The following CAMKMT variants were observed in gnomAD, a reference collection of about 807,000 sequenced individuals.
CAMKMT encodes calmodulin-lysine N-methyltransferase.
Under a neutral mutation model 48.0 loss-of-function variants are expected in CAMKMT, and 53 were observed. That is an observed-to-expected ratio of 1.10 (90% CI 0.89 to 1.39). The LOEUF (loss-of-function observed/expected upper bound fraction) is 1.39, where lower values mean the gene tolerates loss of function less well. CAMKMT is among the 40% of genes most tolerant of loss of function. The pLI, the probability that CAMKMT is intolerant of heterozygous loss-of-function variation, is 0.00. For missense variants in CAMKMT, 428 were observed against 402.7 expected (o/e 1.06, Z -0.54); for synonymous variants, 165 against 152.3 (o/e 1.08, Z -0.61).
At position 44,477,073 on chromosome 2, in the gene CAMKMT, A is replaced by T. The variant is rs114373047; in HGVS notation, c.376+86768A>T. Among the ~76,000 whole-genome samples, 1,227 of 152,330 alleles carry T rather than the reference A, an allele frequency of 8.1e-3. 14 individuals carry two copies. The highest frequency in any genetic ancestry group is 0.028 in the African/African-American group (1,171 of 41,568). On this transcript the variant is annotated intron_variant, in intron 3 of 10. Transcript: ENST00000378494. ...TAGGAAAATTTTAAAAATTATTTAA[A>T]CAAAATTTGAAAAACATTGTAGGCA...
intron 3 of CAMKMT, among the ~76,000 whole-genome samples, chr2:44,623,707 A>G (rs756826479): frequency 3.9e-5 from 6 of 152,040 alleles, no homozygotes; most frequent in Non-Finnish European, 7.4e-5. Flanking sequence ...AATGAGTTTT[A>G]ATGAATGTAT....
chr2:44,696,672 C>A (rs1474220006), intron 3 of CAMKMT, among the ~76,000 whole-genome samples: 1 of 151,934 alleles, frequency 6.6e-6, no homozygotes, highest in Non-Finnish European at 1.5e-5. Flanking sequence ...GCCCCACACC[C>A]TCACCCCACT....
At chr2:44,594,737 A>G (rs1258363386) in intron 3 of CAMKMT, among the ~76,000 whole-genome samples, 2 of 152,238 alleles carry the variant, frequency 1.3e-5, no homozygotes, top group Non-Finnish European at 2.9e-5. Context: ...AATGCCATTC[A>G]GGACATAGGC....
intron 3 of CAMKMT, among the ~76,000 whole-genome samples, chr2:44,460,009 C>G (rs924159277): frequency 1.3e-5 from 2 of 152,154 alleles, no homozygotes; most frequent in Non-Finnish European, 2.9e-5. Flanking sequence ...GAAGCTGAGT[C>G]AAACTGATAG....
At chr2:44,509,205 G>A (rs1343402279) in intron 3 of CAMKMT, among the ~76,000 whole-genome samples, 1 of 152,130 alleles carries the variant, frequency 6.6e-6, no homozygotes, top group Non-Finnish European at 1.5e-5. Flanking sequence ...TTTCAGCTCA[G>A]CCAGGATTTG....
chr2:44,454,948 C>G (rs753836013), intron 3 of CAMKMT, among the ~76,000 whole-genome samples: 1 of 152,100 alleles, frequency 6.6e-6, no homozygotes, highest in Non-Finnish European at 1.5e-5. Flanking sequence ...TCTTTGAACT[C>G]TTGATTTTGT....
intron 3 of CAMKMT, among the ~76,000 whole-genome samples, chr2:44,665,892 A>T (rs1403263330): frequency 2.6e-5 from 4 of 152,198 alleles, no homozygotes. Context: ...GAAGACACCC[A>T]TAATACCTGC....
intron 3 of CAMKMT, among the ~76,000 whole-genome samples, chr2:44,448,675 C>G (rs560676782): frequency 6.6e-6 from 1 of 152,188 alleles, no homozygotes; most frequent in Admixed American, 6.6e-5. Context: ...TAATTCACCT[C>G]TGTAAACATA....
Position 44,372,733 on chromosome 2 carries a change from C to T in CAMKMT, c.156C>T (p.His52=), listed in dbSNP as rs774309366. 8 of 1,612,646 alleles carry T rather than the reference C, an allele frequency of 5.0e-6. No homozygotes were observed. The highest frequency in any genetic ancestry group is 3.4e-5 in the Admixed American group (2 of 59,596). The change falls in exon 2 of 11, where the codon CAC becomes CAT. Residue 52 remains histidine, a synonymous_variant. Coordinates refer to ENST00000378494, the MANE Select transcript of CAMKMT (RefSeq NM_024766.5). The stretch of plus-strand genomic sequence containing the variant: ...TTTCAAAGGTTCTGAAGCAAAAACA[C>T]CTGGATGATTGCCTGCGACATGTAT... ...KLLRQVLKQK[H]LDDCLRHVSV...
Position 44,618,702 on chromosome 2 carries a change from T to G in CAMKMT, c.377-85581T>G, listed in dbSNP as rs1672021677. Among the ~76,000 whole-genome samples the G allele has an allele frequency of 1.3e-5, 2 of 152,222 alleles. No individual in the cohort carries two copies. The highest frequency in any genetic ancestry group is 2.1e-4 in the South Asian group (1 of 4,838). On this transcript the variant is annotated intron_variant, in intron 3 of 10. Coordinates refer to ENST00000378494, the MANE Select transcript of CAMKMT (RefSeq NM_024766.5). This position sits in a 1 kb window ranked among gnomAD's most constrained non-coding sequence, Gnocchi z 4.0. ...GCTGTGTGTTTATGTGTAGTTGTCA[T>G]GCTTAAAATATTCATATGAAGGTTT...
chr2:44,391,833 G>A (rs991089747), intron 3 of CAMKMT: 17 of 153,064 alleles, frequency 1.1e-4, no homozygotes, highest in African/African-American at 4.1e-4. Context: ...ATGAACAAAC[G>A]GAAATATTGC....
At chr2:44,403,644 A>G (rs1413689912) in intron 3 of CAMKMT, among the ~76,000 whole-genome samples, 1 of 152,194 alleles carries the variant, frequency 6.6e-6, no homozygotes, top group African/African-American at 2.4e-5. Flanking sequence ...GGTGTCAGGA[A>G]GAGAGGGAAG....
intron 3 of CAMKMT, among the ~76,000 whole-genome samples, chr2:44,572,838 C>T (rs1572830120): frequency 6.6e-6 from 1 of 152,266 alleles, no homozygotes; most frequent in East Asian, 1.9e-4. Flanking sequence ...TTTTATGTTT[C>T]ATTATTTTTA....
chr2:44,597,441 C>T (rs981464199), intron 3 of CAMKMT, among the ~76,000 whole-genome samples: 1 of 152,202 alleles, frequency 6.6e-6, no homozygotes, highest in Non-Finnish European at 1.5e-5. Context: ...ACACAGGGAG[C>T]ATGTCACATT....
chr2:44,607,842 A>G (rs1003501007), intron 3 of CAMKMT, among the ~76,000 whole-genome samples: 28 of 152,016 alleles, frequency 1.8e-4, no homozygotes, highest in Admixed American at 9.2e-4. Context: ...AAAACTTTTT[A>G]TTATGAAATG....
intron 3 of CAMKMT, among the ~76,000 whole-genome samples, chr2:44,621,441 T>C (rs537535532): frequency 9.2e-5 from 14 of 152,092 alleles, no homozygotes; most frequent in Non-Finnish European, 1.8e-4. Flanking sequence ...CTGCTTTACA[T>C]TGGATGGCCT....
At chr2:44,611,948 G>A (rs1198887532) in intron 3 of CAMKMT, among the ~76,000 whole-genome samples, 2 of 152,072 alleles carry the variant, frequency 1.3e-5, no homozygotes, top group African/African-American at 4.8e-5. Context: ...CCATTTGTGA[G>A]GGATCTGCCC....
At chr2:44,638,463 G>A (rs956122642) in intron 3 of CAMKMT, among the ~76,000 whole-genome samples, 1 of 152,138 alleles carries the variant, frequency 6.6e-6, no homozygotes, top group Non-Finnish European at 1.5e-5. Flanking sequence ...TTACCAAGAA[G>A]TCTAAAATCC....
intron 4 of CAMKMT, 146 bp from the exon 5 acceptor site, chr2:44,706,141 A>C: frequency 1.5e-6 from 1 of 654,192 alleles, no homozygotes; most frequent in Non-Finnish European, 2.7e-6. Context: ...ACGCAAAACG[A>C]CATGAGGTAG....
Sources: gnomAD v4.1 joint callset for allele counts (sites outside exome capture counted in the v4.1 genomes callset) on GRCh38, gnomAD v4.1.1 for gene constraint, Gnocchi (gnomAD v3.1) non-coding constraint, MANE v1.5 for transcripts, NCBI Gene and HGNC (gene_info 2026-07-23, HGNC 2026-07-21) for gene names.